Variants in HYCC1 observed in about 807,000 individuals in gnomAD.
HYCC1 encodes hyccin PI4KA lipid kinase complex subunit 1.
the HYCC1 span, among the ~76,000 whole-genome samples, chr7:22,898,277 G>C: frequency 6.6e-6 from 1 of 151,844 alleles, no homozygotes; most frequent in Non-Finnish European, 1.5e-5. Context: ...GCAGTGGCGC[G>C]ATCTCGGCTC....
chr7:22,937,329 T>C, the HYCC1 span: 1 of 152,296 alleles, frequency 6.6e-6, no homozygotes, highest in East Asian at 1.9e-4. Flanking sequence ...GAGCAAGAAT[T>C]CAGTGTTGAA....
chr7:23,006,193 T>C, the HYCC1 span, among the ~76,000 whole-genome samples: 8 of 152,200 alleles, frequency 5.3e-5, no homozygotes, highest in African/African-American at 1.9e-4. Flanking sequence ...TAAATGTTAA[T>C]TTATATTTAA....
the HYCC1 span, among the ~76,000 whole-genome samples, chr7:22,919,728 T>C: frequency 6.6e-6 from 1 of 151,778 alleles, no homozygotes; most frequent in Admixed American, 6.6e-5. Context: ...AAACTTAAGA[T>C]AGATTGACAG....
chr7:23,006,933 T>C, the HYCC1 span, among the ~76,000 whole-genome samples: 1 of 152,224 alleles, frequency 6.6e-6, no homozygotes, highest in African/African-American at 2.4e-5. Context: ...TTGTATGTGG[T>C]ACACTTAACA....
chr7:22,908,013 C>G, the HYCC1 span, among the ~76,000 whole-genome samples: 1 of 152,168 alleles, frequency 6.6e-6, no homozygotes, highest in Non-Finnish European at 1.5e-5. Context: ...AATGAGAAAT[C>G]TTCCCAGAAG....
chr7:22,913,100 G>A, the HYCC1 span, among the ~76,000 whole-genome samples: 4 of 150,550 alleles, frequency 2.7e-5, no homozygotes, highest in African/African-American at 9.8e-5. Context: ...CTCCAGCCAG[G>A]GCAACAAGAG....
At chr7:22,996,181 T>C in the HYCC1 span, among the ~76,000 whole-genome samples, 66 of 150,796 alleles carry the variant, frequency 4.4e-4, no homozygotes, top group Non-Finnish European at 7.8e-4. Flanking sequence ...TGATCCCAGG[T>C]ACTTGGGAGG....
At chr7:22,914,215 C>T in the HYCC1 span, among the ~76,000 whole-genome samples, 23 of 152,164 alleles carry the variant, frequency 1.5e-4, no homozygotes, top group East Asian at 9.6e-4. Context: ...ACCGCGGGGA[C>T]GCCTGCCCTG....
chr7:22,924,233 C>T, the HYCC1 span, among the ~76,000 whole-genome samples: 1 of 150,718 alleles, frequency 6.6e-6, no homozygotes, highest in African/African-American at 2.4e-5. Context: ...GGAACAGCTG[C>T]AGCCTACAGC....
chr7:22,909,658 T>C, the HYCC1 span, among the ~76,000 whole-genome samples: 1 of 152,184 alleles, frequency 6.6e-6, no homozygotes, highest in African/African-American at 2.4e-5. Flanking sequence ...ACACCTACAA[T>C]GCTCTGAACA....
chr7:22,966,471 T>C, the HYCC1 span, among the ~76,000 whole-genome samples: 3,096 of 152,306 alleles, frequency 0.02, 65 homozygotes, highest in East Asian at 0.11. Flanking sequence ...TTTCTGTATT[T>C]AGTAGAGATG....
chr7:22,922,313 T>C, the HYCC1 span, among the ~76,000 whole-genome samples: 2 of 152,164 alleles, frequency 1.3e-5, no homozygotes, highest in Non-Finnish European at 2.9e-5. Context: ...CCACAGATGC[T>C]CTCAATTTAC....
At chr7:22,925,835 T>C in the HYCC1 span, among the ~76,000 whole-genome samples, 6 of 152,022 alleles carry the variant, frequency 3.9e-5, no homozygotes, top group African/African-American at 4.8e-5. Context: ...CAGAGAATGC[T>C]ACAAAGATAC....
chr7:22,986,636 A>G, the HYCC1 span, among the ~76,000 whole-genome samples: 1 of 152,132 alleles, frequency 6.6e-6, no homozygotes, highest in Non-Finnish European at 1.5e-5. Context: ...TCACGAGGTC[A>G]GGAGTTAAAG....
chr7:22,925,630 G>GA, the HYCC1 span, among the ~76,000 whole-genome samples: 1 of 152,070 alleles, frequency 6.6e-6, no homozygotes, highest in East Asian at 1.9e-4. Flanking sequence ...GAAGTTTAGA[G>GA]AAAAAAGAAG....
chr7:23,002,156 AT>A, the HYCC1 span, among the ~76,000 whole-genome samples: 1,674 of 24,422 alleles, frequency 0.069, 43 homozygotes, highest in South Asian at 0.16. Flanking sequence ...ATATATATAT[AT>A]ATATATATAT....
At chr7:22,913,815 C>T in the HYCC1 span, among the ~76,000 whole-genome samples, 2 of 152,186 alleles carry the variant, frequency 1.3e-5, no homozygotes, top group East Asian at 1.9e-4. Flanking sequence ...TATCTTCACA[C>T]GGACACGTGT....
the HYCC1 span, among the ~76,000 whole-genome samples, chr7:22,955,645 T>A: frequency 6.6e-6 from 1 of 151,646 alleles, no homozygotes; most frequent in Admixed American, 6.6e-5. Flanking sequence ...GGAAGAAGAA[T>A]GAGTAATCAT....
chr7:22,964,247 C>G, the HYCC1 span, among the ~76,000 whole-genome samples: 1 of 151,992 alleles, frequency 6.6e-6, no homozygotes, highest in South Asian at 2.1e-4. Flanking sequence ...ATGTTTTAAA[C>G]TAAGATAATA....
Sources: gnomAD v4.1 joint callset for allele counts (sites outside exome capture counted in the v4.1 genomes callset) on GRCh38, gnomAD v4.1.1 for gene constraint, MANE v1.5 for transcripts, NCBI Gene and HGNC (gene_info 2026-07-23, HGNC 2026-07-21) for gene names.